ARFRP1: variants seen among roughly 807,000 people sequenced by gnomAD.
ARFRP1 encodes the protein ADP-ribosylation factor-related protein 1.
In ARFRP1, 19 loss-of-function variants were observed where a neutral mutation model predicts 30.3. That is an observed-to-expected ratio of 0.63 (90% CI 0.44 to 0.92). The LOEUF (loss-of-function observed/expected upper bound fraction) is 0.92. ARFRP1 is among the 40% of genes least tolerant of loss of function. ARFRP1 has a pLI of 0.00. For missense variants in ARFRP1, 245 were observed against 267.5 expected (o/e 0.92, Z 0.59); for synonymous variants, 133 against 114.2 (o/e 1.16, Z -1.05).
intron 6 of ARFRP1, chr20:63,701,129 A>G (rs1358692585): frequency 2.4e-6 from 1 of 424,812 alleles, no homozygotes; most frequent in African/African-American, 2.0e-5. Context: ...CCACCTGCCC[A>G]GTCTTCAAAA....
intron 4 of ARFRP1, 176 bp downstream of exon 4, chr20:63,706,181 A>G (rs2091452447): frequency 1.6e-6 from 1 of 617,418 alleles, no homozygotes; most frequent in African/African-American, 1.8e-5. Context: ...AACTTCAGCT[A>G]AGGGTTCAGC....
chr20:63,706,931 A>C, intron 2 of ARFRP1, 68 bp downstream of exon 2: 2 of 1,570,654 alleles, frequency 1.3e-6, no homozygotes, highest in South Asian at 2.2e-5. Flanking sequence ...CGTGCAGCTG[A>C]CAGCACAAAA....
intron 2 of ARFRP1, 73 bp downstream of exon 2, chr20:63,706,926 A>G: frequency 1.3e-6 from 2 of 1,555,536 alleles, no homozygotes; most frequent in Non-Finnish European, 1.8e-6. Context: ...GTGAACGTGC[A>G]GCTGACAGCA....
rs1306524441 is a variant in ARFRP1 at position 63,700,145 on chromosome 20, C to G, written c.*298G>C. The G allele has an allele frequency of 2.3e-6, 1 of 427,040 alleles. No individual in the cohort carries two copies. The highest frequency in any genetic ancestry group is 2.1e-5 in the South Asian group (1 of 46,532). 26.5% of individuals were successfully genotyped at this position (427,040 alleles called of 1,614,324 possible). A position where few individuals can be genotyped will look rare whatever the true frequency, so the allele number is the denominator to read the frequency against. On this transcript the variant is annotated 3_prime_UTR_variant, in exon 8 of 8. Coordinates refer to ENST00000622789, the MANE Select transcript of ARFRP1 (RefSeq NM_001267547.3). ...CAGCCTGAGCACTGGAGCCCCAATT[C>G]CCAACCAGGTCTCCCTCAGACCCCC...
intron 2 of ARFRP1, 37 bp from the exon 3 acceptor site, chr20:63,706,775 G>A (rs780392430): frequency 1.5e-4 from 227 of 1,503,600 alleles, no homozygotes; most frequent in Non-Finnish European, 1.6e-5. Flanking sequence ...CATCAAGGAG[G>A]GGCTATACTG....
chr20:63,705,285 C>G (rs563800630), intron 4 of ARFRP1: 1 of 161,768 alleles, frequency 6.2e-6, no homozygotes, highest in South Asian at 1.7e-4. Flanking sequence ...TTGGGGGCGC[C>G]TAGGAAAGGG....
intron 2 of ARFRP1, 51 bp downstream of exon 2, chr20:63,706,948 G>T (rs553612498): frequency 3.7e-6 from 6 of 1,602,836 alleles, no homozygotes; most frequent in Non-Finnish European, 5.1e-6. Flanking sequence ...AAAACCGAAG[G>T]GGGCGCCGCC....
In ARFRP1 at chr20:63,699,262, G is replaced by A. The variant is rs1334136408; in HGVS notation, c.*1181C>T. The A allele has an allele frequency of 6.6e-6, 1 of 152,208 alleles. No individual in the cohort carries two copies. The highest frequency in any genetic ancestry group is 1.5e-5 in the Non-Finnish European group (1 of 68,076). The allele number at this position is 152,208 out of a possible 1,614,324, so 9.4% of individuals were successfully genotyped here. ...TGGAGAGGACGCGGGGACTTCCAGG[G>A]CCCGACTCCTGTGAGTCACAGCCCC... On this transcript the variant is annotated 3_prime_UTR_variant, in exon 8 of 8. Transcript: ENST00000622789.
intron 6 of ARFRP1, 69 bp downstream of exon 6, chr20:63,701,761 C>T (rs2091215405): frequency 6.3e-6 from 9 of 1,429,162 alleles, no homozygotes; most frequent in Middle Eastern, 2.2e-4. Flanking sequence ...GGGTGCACAC[C>T]TGCTCCCCTT....
Position 63,707,049 on chromosome 20 carries a change from T to C in ARFRP1, c.43A>G (p.Lys15Glu), listed in dbSNP as rs2091512699. 4 of 1,613,862 alleles carry C rather than the reference T, an allele frequency of 2.5e-6. No individual in the cohort carries two copies. The East Asian group carries it at 8.9e-5, about 36-fold the overall frequency. ...AGGATCAGGATGCAGTACTCGTCCT[T>C]CTGAAACATGTACTTGTACAAGCCC... ...LSGLYKYMFQ[K>E]DEYCILILGL... Residue 15 changes from lysine (K) to glutamate (E), a missense_variant, in exon 2 of 8, where the codon AAG (lysine) becomes GAG (glutamate). Lys to Glu is a moderately conservative substitution (Grantham distance 56). Coordinates refer to ENST00000622789, the MANE Select transcript of ARFRP1 (RefSeq NM_001267547.3).
At position 63,702,256 on chromosome 20, in the gene ARFRP1, CCT is replaced by C. The variant is rs766587935; in HGVS notation, c.265-41_265-40del. On this transcript the variant is annotated intron_variant, in intron 4 of 7. Coordinates refer to ENST00000622789, the MANE Select transcript of ARFRP1 (RefSeq NM_001267547.3). ...CCAGGAGTTGGGGCTCAGTCCCCACCCTGCCAAGGGCCAGCAGAGCCAGGCCT... is the reference window on the plus strand; with the variant it reads ...CCAGGAGTTGGGGCTCAGTCCCCACCGCCAAGGGCCAGCAGAGCCAGGCCT... The C allele has an allele frequency of 3.2e-6, 5 of 1,580,028 alleles. No homozygotes were observed. The South Asian group carries it at 5.5e-5, about 18-fold the overall frequency.
At chr20:63,701,998 G>GGCCCCCCCC in intron 5 of ARFRP1, 98 bp from the exon 6 acceptor site, 11 of 583,910 alleles carry the variant, frequency 1.9e-5, no homozygotes, top group South Asian at 1.5e-4. Flanking sequence ...CACTCCCTCT[G>GGCCCCCCCC]CCCCCCCCCC....
chr20:63,705,894 G>A (rs978900835), intron 4 of ARFRP1: 2 of 398,110 alleles, frequency 5.0e-6, no homozygotes, highest in Middle Eastern at 4.6e-4. Flanking sequence ...ACACTTGTAA[G>A]ATGTTTAGGT....
chr20:63,706,595 G>C, intron 3 of ARFRP1, 56 bp downstream of exon 3: 1 of 1,537,910 alleles, frequency 6.5e-7, no homozygotes, highest in Non-Finnish European at 9.0e-7. Context: ...GCTGGACTGT[G>C]AATATCACGG....
chr20:63,701,998 G>GGGGC, intron 5 of ARFRP1, 98 bp from the exon 6 acceptor site: 1 of 583,916 alleles, frequency 1.7e-6, no homozygotes, highest in Non-Finnish European at 2.6e-6. Flanking sequence ...CACTCCCTCT[G>GGGGC]CCCCCCCCCC....
intron 5 of ARFRP1, 47 bp downstream of exon 5, chr20:63,702,089 C>A: frequency 6.3e-7 from 1 of 1,585,156 alleles, no homozygotes; most frequent in Non-Finnish European, 8.6e-7. Context: ...GCTGGACCTG[C>A]CCCCACTCAC....
At position 63,701,881 on chromosome 20, in the gene ARFRP1, C is replaced by G; in HGVS notation, c.366G>C (p.Glu122Asp). 1 of 1,550,348 alleles carries G rather than the reference C, an allele frequency of 6.5e-7. No homozygotes were observed. Among genetic ancestry groups the G allele is most frequent in the Non-Finnish European group, 8.7e-7 (1 of 1,146,984 alleles). Residue 122 changes from glutamate (E) to aspartate (D), a missense_variant, in exon 6 of 8, where the codon GAG becomes GAC. Physicochemically the swap from Glu to Asp is conservative, Grantham distance 45. Coordinates refer to ENST00000622789, the MANE Select transcript of ARFRP1 (RefSeq NM_001267547.3). ...KQAFEKVVTS[E>D]ALCGVPVLVL... is the part of the protein sequence containing the mutation. ...CCAAGACGGGGACACCGCACAGCGC[C>G]TCGCTGGTCACCACCTTCTCTGGGG... is the stretch of plus-strand genomic sequence containing the variant.
At chr20:63,702,096 T>C (rs1312090416) in intron 5 of ARFRP1, 40 bp downstream of exon 5, 1 of 1,560,116 alleles carries the variant, frequency 6.4e-7, no homozygotes, top group African/African-American at 1.4e-5. Context: ...CTGCCCCCAC[T>C]CACCATCCAT....
At chr20:63,706,816 T>C in intron 2 of ARFRP1, 78 bp from the exon 3 acceptor site, 3 of 1,362,972 alleles carry the variant, frequency 2.2e-6, no homozygotes, top group Non-Finnish European at 3.2e-6. Flanking sequence ...AGGTCTGTTC[T>C]TTAAAAGACA....
Sources: gnomAD v4.1 joint callset for allele counts on GRCh38, gnomAD v4.1.1 for gene constraint, MANE v1.5 for transcripts, NCBI Gene and HGNC (gene_info 2026-07-23, HGNC 2026-07-21) for gene names.